RORB: variants seen among roughly 807,000 people sequenced by gnomAD.
The protein encoded by RORB is RAR related orphan receptor B.
RORB carries 6 observed loss-of-function variants against 59.1 expected under a neutral mutation model. That is an observed-to-expected ratio of 0.10 (90% CI 0.06 to 0.20). The LOEUF is 0.20. Among genes scored for constraint, RORB ranks in the 10% least tolerant of loss-of-function variants. The probability of loss-of-function intolerance (pLI) is 1.00; values close to 1 mark genes in which losing one functional copy is unlikely to be tolerated. For missense variants in RORB, 320 were observed against 560.5 expected, an observed-to-expected ratio of 0.57 and a Z score of 4.33; for synonymous variants, 215 against 204.5, an observed-to-expected ratio of 1.05 and a Z score of -0.44.
chr9:74,672,290 CA>C, intron 9 of RORB, among the ~76,000 whole-genome samples: 1 of 151,848 alleles, frequency 6.6e-6, no homozygotes, highest in Non-Finnish European at 1.5e-5. Context: ...GATTTTTATT[CA>C]AAAAAAGAAA....
chr9:74,635,046 A>G (rs11144030), intron 3 of RORB, among the ~76,000 whole-genome samples: 2,504 of 152,282 alleles, frequency 0.016, 54 homozygotes, highest in Non-Finnish European at 0.019. Flanking sequence ...GTTGAAGGTG[A>G]CCATCTGTCT....
At chr9:74,507,731 G>A (rs1825888236) in intron 1 of RORB, among the ~76,000 whole-genome samples, 1 of 151,926 alleles carries the variant, frequency 6.6e-6, no homozygotes, top group Non-Finnish European at 1.5e-5. Flanking sequence ...CATTATCATT[G>A]CCAGGACAAA....
chr9:74,638,775 G>C (rs1181545898), intron 3 of RORB, among the ~76,000 whole-genome samples: 1 of 152,086 alleles, frequency 6.6e-6, no homozygotes, highest in Non-Finnish European at 1.5e-5. Flanking sequence ...CACTGTTATT[G>C]CAAGAAGAGG....
chr9:74,635,311 G>A (rs776129644), intron 3 of RORB, among the ~76,000 whole-genome samples: 3 of 152,144 alleles, frequency 2.0e-5, no homozygotes, highest in Non-Finnish European at 2.9e-5. Flanking sequence ...AGGCTAGAGC[G>A]AAGTCCAAGT....
intron 8 of RORB, among the ~76,000 whole-genome samples, chr9:74,670,895 A>T (rs963572944): frequency 3.9e-5 from 6 of 152,210 alleles, no homozygotes; most frequent in African/African-American, 1.4e-4. Flanking sequence ...CCTGTCTAGG[A>T]TTACAGAATT....
chr9:74,538,390 TG>T (rs1479034907), intron 1 of RORB, among the ~76,000 whole-genome samples: 1 of 152,122 alleles, frequency 6.6e-6, no homozygotes, highest in Non-Finnish European at 1.5e-5. Context: ...TATTTGGTTT[TG>T]TCCACTGTTC....
chr9:74,630,881 G>A (rs1417286951), intron 2 of RORB, among the ~76,000 whole-genome samples: 2 of 151,292 alleles, frequency 1.3e-5, no homozygotes, highest in Non-Finnish European at 1.5e-5. Flanking sequence ...GTTAGAAGCC[G>A]AAAAGATTAA....
At chr9:74,681,241 T>C (rs1205485511) in intron 9 of RORB, among the ~76,000 whole-genome samples, 2 of 152,134 alleles carry the variant, frequency 1.3e-5, no homozygotes, top group East Asian at 3.9e-4. Context: ...TGCTCTGAGC[T>C]CCCTTTGAAA....
intron 1 of RORB, among the ~76,000 whole-genome samples, chr9:74,609,861 T>C (rs1211824017): frequency 1.3e-5 from 2 of 152,164 alleles, no homozygotes; most frequent in Non-Finnish European, 2.9e-5. Flanking sequence ...TGGAAACCTG[T>C]TTGGTTGTCA....
chr9:74,641,121 G>T (rs547241828), intron 3 of RORB, among the ~76,000 whole-genome samples: 1 of 152,292 alleles, frequency 6.6e-6, no homozygotes, highest in African/African-American at 2.4e-5. Flanking sequence ...AGAAACTCAG[G>T]GAGGAGCCTC....
At chr9:74,627,345 C>T (rs1159055887) in intron 1 of RORB, among the ~76,000 whole-genome samples, 1 of 151,988 alleles carries the variant, frequency 6.6e-6, no homozygotes, top group African/African-American at 2.4e-5. Flanking sequence ...AACTGATAAC[C>T]CCTTTCCACA....
At chr9:74,590,838 C>T (rs891082418) in intron 1 of RORB, among the ~76,000 whole-genome samples, 1 of 152,224 alleles carries the variant, frequency 6.6e-6, no homozygotes, top group Non-Finnish European at 1.5e-5. Flanking sequence ...GTCACCTTGG[C>T]TGGAGTGCAG....
chr9:74,570,236 G>A (rs866806081), intron 1 of RORB, among the ~76,000 whole-genome samples: 2 of 151,888 alleles, frequency 1.3e-5, no homozygotes, highest in African/African-American at 2.4e-5. Context: ...GTATCATTAC[G>A]TGTATCAATT....
chr9:74,503,855 C>G (rs1229388037), intron 1 of RORB, among the ~76,000 whole-genome samples: 2 of 152,012 alleles, frequency 1.3e-5, no homozygotes, highest in African/African-American at 4.8e-5. Context: ...CTAGTTCTTT[C>G]ATAGCGCATA....
At chr9:74,637,979 T>C (rs1301159860) in intron 3 of RORB, among the ~76,000 whole-genome samples, 1 of 151,998 alleles carries the variant, frequency 6.6e-6, no homozygotes, top group Admixed American at 6.6e-5. Context: ...AGAGAGAGAT[T>C]TTAAAATAAT....
intron 1 of RORB, among the ~76,000 whole-genome samples, chr9:74,612,068 A>G (rs1401569460): frequency 1.3e-5 from 2 of 152,210 alleles, no homozygotes; most frequent in Non-Finnish European, 2.9e-5. Flanking sequence ...AGGATTATTG[A>G]AGAGTACCAG....
rs1266572783 is a variant in RORB at position 74,549,617 on chromosome 9, GAAGGAAGGAAGA to G, written c.7+51641_7+51652del. 1.7e-3 allele frequency among the ~76,000 whole-genome samples: 183 copies of G among 110,710 alleles called. 2 individuals are homozygous for G. The highest frequency in any genetic ancestry group is 3.9e-3 in the African/African-American group (121 of 30,934). 72.6% of individuals were successfully genotyped at this position (110,710 alleles called of 152,430 possible). A position where few individuals can be genotyped will look rare whatever the true frequency, so the allele number is the denominator to read the frequency against. ...GGAAGGAAGGAAGGAAGAAAGGAAG[GAAGGAAGGAAGA>G]AAGGAAAGAAAGAAAGAAAGAGAGA... On this transcript the variant is annotated intron_variant, in intron 1 of 9. Coordinates refer to ENST00000376896, the MANE Select transcript of RORB (RefSeq NM_006914.4).
At chr9:74,553,906 T>C (rs1009440836) in intron 1 of RORB, among the ~76,000 whole-genome samples, 7 of 152,222 alleles carry the variant, frequency 4.6e-5, no homozygotes, top group African/African-American at 1.2e-4. Flanking sequence ...TGTAGCACTT[T>C]AGAACTTGAA....
In RORB at chr9:74,688,276, G is replaced by C. The variant is rs1479404913; in HGVS notation, c.*2658G>C. 3 of 152,216 alleles carry C rather than the reference G, an allele frequency of 2.0e-5. No homozygotes were observed. The highest frequency in any genetic ancestry group is 4.4e-5 in the Non-Finnish European group (3 of 68,054). 9.4% of individuals were successfully genotyped at this position (152,216 alleles called of 1,614,324 possible). A position where few individuals can be genotyped will look rare whatever the true frequency, so the allele number is the denominator to read the frequency against. On this transcript the variant is annotated 3_prime_UTR_variant, in exon 10 of 10. Coordinates refer to ENST00000376896, the MANE Select transcript of RORB (RefSeq NM_006914.4). ...CTCATCCCACTTAGTTGAGAGAAGA[G>C]ATTTCTAGTTTGGGTTACAGTTGCC... is the stretch of plus-strand genomic sequence containing the variant.
Sources: gnomAD v4.1 joint callset for allele counts (sites outside exome capture counted in the v4.1 genomes callset) on GRCh38, gnomAD v4.1.1 for gene constraint, MANE v1.5 for transcripts, NCBI Gene and HGNC (gene_info 2026-07-23, HGNC 2026-07-21) for gene names.